Variants in PHACTR1 observed in about 807,000 individuals in gnomAD.
The protein encoded by PHACTR1 is RPEL repeat containing 1.
A neutral mutation model predicts 69.2 loss-of-function variants in PHACTR1; 16 were observed. The ratio of observed to expected loss-of-function variants is 0.23; its 90% CI spans 0.16 to 0.35. The LOEUF is 0.35. PHACTR1 is among the 10% of genes least tolerant of loss of function. PHACTR1 has a pLI of 1.00. For synonymous variants in PHACTR1, 312 were observed against 284.5 expected, an observed-to-expected ratio of 1.10 and a Z score of -0.97; for missense variants, 510 against 734.7, an observed-to-expected ratio of 0.69 and a Z score of 3.54.
intron 5 of PHACTR1, among the ~76,000 whole-genome samples, chr6:13,118,028 A>T (rs1379067468): frequency 6.6e-6 from 1 of 152,264 alleles, no homozygotes; most frequent in East Asian, 1.9e-4. Flanking sequence ...TTAGTGCTCA[A>T]TGCTGGTCCT....
intron 10 of PHACTR1, among the ~76,000 whole-genome samples, chr6:13,252,764 G>A (rs1443803787): frequency 1.3e-5 from 2 of 152,072 alleles, no homozygotes; most frequent in African/African-American, 4.8e-5. Context: ...ATTCCTTTGG[G>A]CTACAAGGCT....
At chr6:13,282,660 A>T (rs1780539257) in intron 12 of PHACTR1, among the ~76,000 whole-genome samples, 1 of 152,198 alleles carries the variant, frequency 6.6e-6, no homozygotes, top group Non-Finnish European at 1.5e-5. Flanking sequence ...TACCATTTGC[A>T]CATACGCTTT....
intron 6 of PHACTR1, among the ~76,000 whole-genome samples, chr6:13,176,182 T>C (rs1761294379): frequency 6.6e-6 from 1 of 152,248 alleles, no homozygotes; most frequent in Admixed American, 6.5e-5. Context: ...TTTTGTATTT[T>C]TAAAAATAAA....
chr6:13,124,343 T>C (rs1303289425), intron 5 of PHACTR1, among the ~76,000 whole-genome samples: 2 of 151,538 alleles, frequency 1.3e-5, no homozygotes, highest in Non-Finnish European at 3.0e-5. Flanking sequence ...TCTGTTTCCA[T>C]TTATTTTCTG....
At chr6:13,047,840 C>G (rs192470011) in intron 4 of PHACTR1, among the ~76,000 whole-genome samples, 4 of 152,008 alleles carry the variant, frequency 2.6e-5, no homozygotes, top group Non-Finnish European at 5.9e-5. Context: ...CTTTTGAAAG[C>G]CAAACCACCA....
chr6:12,762,656 A>G (rs1434090780), intron 4 of PHACTR1, among the ~76,000 whole-genome samples: 10 of 151,936 alleles, frequency 6.6e-5, no homozygotes, highest in Admixed American at 6.6e-4. Flanking sequence ...CCCAAATACC[A>G]CTCTACCCTC....
chr6:12,829,938 A>G (rs1222209812), intron 4 of PHACTR1, among the ~76,000 whole-genome samples: 1 of 146,746 alleles, frequency 6.8e-6, no homozygotes, highest in Non-Finnish European at 1.5e-5. Flanking sequence ...AGTCTGGGAA[A>G]CAGAGCAAGA....
chr6:12,739,933 A>G (rs1764816015), intron 3 of PHACTR1, among the ~76,000 whole-genome samples: 1 of 152,224 alleles, frequency 6.6e-6, no homozygotes, highest in Non-Finnish European at 1.5e-5. Flanking sequence ...CACCTTTTCT[A>G]AAAAGTACAA....
intron 4 of PHACTR1, among the ~76,000 whole-genome samples, chr6:12,978,379 G>A (rs566270264): frequency 4.2e-4 from 64 of 152,106 alleles, no homozygotes; most frequent in Non-Finnish European, 5.9e-5. Flanking sequence ...TTCTTGCCAG[G>A]CTCTCAGGAC....
chr6:12,941,989 T>C (rs778118797), intron 4 of PHACTR1, among the ~76,000 whole-genome samples: 1 of 152,186 alleles, frequency 6.6e-6, no homozygotes, highest in Non-Finnish European at 1.5e-5. Context: ...TGAAACACTT[T>C]GAGCAGGAGA....
chr6:13,036,923 C>G (rs181133484), intron 4 of PHACTR1, among the ~76,000 whole-genome samples: 5 of 152,254 alleles, frequency 3.3e-5, no homozygotes, highest in Non-Finnish European at 7.4e-5. Context: ...AAAAAATAAT[C>G]ACTGGTTACT....
intron 4 of PHACTR1, among the ~76,000 whole-genome samples, chr6:12,792,252 G>A (rs1772379139): frequency 1.3e-5 from 2 of 151,704 alleles, no homozygotes; most frequent in Admixed American, 6.6e-5. Flanking sequence ...ATCACTTGAG[G>A]TCGGGAGTTC....
intron 3 of PHACTR1, among the ~76,000 whole-genome samples, chr6:12,728,414 G>GTTATAT (rs927452253): frequency 1.8e-4 from 27 of 151,936 alleles, no homozygotes; most frequent in East Asian, 7.7e-4. Flanking sequence ...ATTTTATAAG[G>GTTATAT]TTATATTTAT....
At chr6:12,816,688 G>C (rs1775627943) in intron 4 of PHACTR1, among the ~76,000 whole-genome samples, 1 of 152,220 alleles carries the variant, frequency 6.6e-6, no homozygotes, top group Non-Finnish European at 1.5e-5. Context: ...CTGGAAGACA[G>C]GCTTTGATTT....
At chr6:12,968,658 G>GA (rs1183163455) in intron 4 of PHACTR1, among the ~76,000 whole-genome samples, 5 of 152,154 alleles carry the variant, frequency 3.3e-5, no homozygotes, top group Non-Finnish European at 7.3e-5. Flanking sequence ...ACTAAAATGC[G>GA]AAAGGACTTT....
intron 4 of PHACTR1, among the ~76,000 whole-genome samples, chr6:12,858,413 T>C (rs1780617626): frequency 6.6e-6 from 1 of 152,214 alleles, no homozygotes; most frequent in African/African-American, 2.4e-5. Flanking sequence ...TCAGGTTTAA[T>C]TTCTCATCTG....
chr6:13,104,902 A>T (rs1487636370), intron 5 of PHACTR1, among the ~76,000 whole-genome samples: 1 of 152,244 alleles, frequency 6.6e-6, no homozygotes, highest in Non-Finnish European at 1.5e-5. Flanking sequence ...ATTGTGTCAG[A>T]ATCTTAAAGT....
intron 4 of PHACTR1, among the ~76,000 whole-genome samples, chr6:12,951,004 G>A (rs1791224749): frequency 3.9e-5 from 6 of 152,130 alleles, no homozygotes; most frequent in Admixed American, 3.9e-4. Context: ...CCAACAAAAG[G>A]GCCTGATCCT....
chr6:13,176,944 T>C (rs542007151), intron 6 of PHACTR1, among the ~76,000 whole-genome samples: 1 of 152,174 alleles, frequency 6.6e-6, no homozygotes, highest in East Asian at 1.9e-4. Flanking sequence ...CATTTATTAA[T>C]GTACTTTTGT....
Sources: allele counts gnomAD v4.1 joint callset (sites outside exome capture counted in the v4.1 genomes callset), GRCh38; gene constraint gnomAD v4.1.1; transcripts MANE v1.5; gene names NCBI Gene and HGNC (gene_info 2026-07-23, HGNC 2026-07-21).